Variants in RBMS3 observed in about 807,000 individuals in gnomAD.
RBMS3 encodes the protein RNA-binding motif, single-stranded-interacting protein 3.
RBMS3 carries 27 observed loss-of-function variants against 66.8 expected under a neutral mutation model. That is an observed-to-expected ratio of 0.40 (90% confidence interval 0.30 to 0.56). The LOEUF (loss-of-function observed/expected upper bound fraction) is 0.56, where lower values mean the gene tolerates loss of function less well. RBMS3 is among the 20% of genes least tolerant of loss of function. The pLI, the probability that RBMS3 is intolerant of heterozygous loss-of-function variation, is 0.40. For synonymous variants in RBMS3, 188 were observed against 183.0 expected (o/e 1.03, Z -0.22); for missense variants, 513 against 549.5 (o/e 0.93, Z 0.66).
At chr3:29,814,950 T>C (rs1442231456) in intron 6 of RBMS3, among the ~76,000 whole-genome samples, 1 of 152,078 alleles carries the variant, frequency 6.6e-6, no homozygotes, top group African/African-American at 2.4e-5. Flanking sequence ...ACAGAATGAG[T>C]GTTTCCTTGA....
intron 11 of RBMS3, 152 bp downstream of exon 11, chr3:29,936,348 C>A: frequency 1.3e-6 from 1 of 744,250 alleles, no homozygotes; most frequent in Non-Finnish European, 2.3e-6. Flanking sequence ...CTGCATTCTG[C>A]ATGTATGTTC....
At chr3:29,439,744 G>T (rs1232241408) in intron 2 of RBMS3, among the ~76,000 whole-genome samples, 2 of 151,962 alleles carry the variant, frequency 1.3e-5, no homozygotes, top group Non-Finnish European at 1.5e-5. Flanking sequence ...ATCTCCTAAT[G>T]CTATCCCTCC....
chr3:29,730,919 G>A (rs756667155), intron 4 of RBMS3: 64 of 985,218 alleles, frequency 6.5e-5, no homozygotes, highest in Non-Finnish European at 7.5e-5. Context: ...CTGATAACTG[G>A]TGATACTGAG....
At chr3:29,965,852 T>C (rs777226573) in intron 12 of RBMS3, among the ~76,000 whole-genome samples, 5 of 152,220 alleles carry the variant, frequency 3.3e-5, no homozygotes, top group Admixed American at 1.3e-4. Flanking sequence ...AGAATTTTTA[T>C]AATTTCAGGT....
At chr3:29,559,298 ACCATTAACTCAAGTG>A (rs2046460816) in intron 3 of RBMS3, among the ~76,000 whole-genome samples, 1 of 151,974 alleles carries the variant, frequency 6.6e-6, no homozygotes, top group African/African-American at 2.4e-5. Flanking sequence ...AGTCCCCTAT[ACCATTAACTCAAGTG>A]CCAGCTATGA....
chr3:29,572,518 A>G (rs1471564479), intron 3 of RBMS3, among the ~76,000 whole-genome samples: 1 of 152,214 alleles, frequency 6.6e-6, no homozygotes, highest in Non-Finnish European at 1.5e-5. Flanking sequence ...GCATCAATCA[A>G]AATGATCATA....
In RBMS3 at chr3:29,991,060, A is replaced by C. The variant is rs533456082; in HGVS notation, c.1180-22A>C. ...CTTCACTGAAGCAAGTAAGGCTTTT[A>C]TGTTCTTATTTGCCTCCTTAGGGTG... On this transcript the variant is annotated intron_variant, in intron 13 of 14. Transcript: ENST00000383767. 2.0e-5 allele frequency: 32 copies of C among 1,611,792 alleles called. No individual in the cohort carries two copies. In the Admixed American group the frequency reaches 5.2e-4, roughly 26 times the overall value.
chr3:29,981,285 C>T (rs1348337723), intron 12 of RBMS3, among the ~76,000 whole-genome samples: 1 of 152,126 alleles, frequency 6.6e-6, no homozygotes. Flanking sequence ...ATTTTGTATC[C>T]TGAGACTGTG....
chr3:29,406,009 C>T (rs1219300875), intron 1 of RBMS3, among the ~76,000 whole-genome samples: 1 of 152,168 alleles, frequency 6.6e-6, no homozygotes, highest in Non-Finnish European at 1.5e-5. Context: ...TTTTAAAGAA[C>T]TAACATAATT....
At chr3:29,886,090 C>A (rs969516356) in intron 8 of RBMS3, among the ~76,000 whole-genome samples, 1 of 151,778 alleles carries the variant, frequency 6.6e-6, no homozygotes, top group Non-Finnish European at 1.5e-5. Context: ...TTTCTAACTT[C>A]TTACATCTTC....
chr3:29,913,871 A>G (rs948974797), intron 10 of RBMS3, among the ~76,000 whole-genome samples: 5 of 151,966 alleles, frequency 3.3e-5, no homozygotes, highest in African/African-American at 1.2e-4. Flanking sequence ...TTTGTGTTAC[A>G]TGATACATGT....
chr3:29,431,405 G>T (rs2041192460), intron 1 of RBMS3, among the ~76,000 whole-genome samples: 1 of 146,672 alleles, frequency 6.8e-6, no homozygotes, highest in Non-Finnish European at 1.5e-5. Context: ...TGATTCTTCT[G>T]CCTCAGCCTC....
intron 6 of RBMS3, among the ~76,000 whole-genome samples, chr3:29,812,111 G>A (rs2057746834): frequency 6.6e-6 from 1 of 152,144 alleles, no homozygotes; most frequent in South Asian, 2.1e-4. Context: ...ATATTGACAG[G>A]ACAGTTAGGA....
chr3:29,633,889 C>A (rs982177872), intron 4 of RBMS3, among the ~76,000 whole-genome samples: 10 of 151,776 alleles, frequency 6.6e-5, no homozygotes, highest in African/African-American at 2.2e-4. Context: ...ATAAAGACTT[C>A]ATTTAAATAA....
intron 4 of RBMS3, among the ~76,000 whole-genome samples, chr3:29,645,440 G>A (rs1392256773): frequency 1.3e-5 from 2 of 152,158 alleles, no homozygotes; most frequent in East Asian, 3.8e-4. Context: ...TTTGTATAAG[G>A]AACAATAATA....
At chr3:29,421,480 A>T (rs1330686161) in intron 1 of RBMS3, among the ~76,000 whole-genome samples, 1 of 151,836 alleles carries the variant, frequency 6.6e-6, no homozygotes, top group Non-Finnish European at 1.5e-5. Flanking sequence ...TGTATATAAA[A>T]CTCCTTTTAA....
At chr3:29,701,811 G>A (rs950675415) in intron 4 of RBMS3, among the ~76,000 whole-genome samples, 1 of 151,500 alleles carries the variant, frequency 6.6e-6, no homozygotes, top group African/African-American at 2.4e-5. Context: ...CTCCCAGCGG[G>A]GCAGGGCTTG....
chr3:29,615,192 A>G (rs1051525898), intron 4 of RBMS3: 141 of 152,554 alleles, frequency 9.2e-4, no homozygotes, highest in African/African-American at 3.3e-3. Context: ...AGTTGGAAGC[A>G]ATTACCACCA....
intron 2 of RBMS3, among the ~76,000 whole-genome samples, chr3:29,468,975 G>A (rs2042631542): frequency 6.6e-6 from 1 of 152,108 alleles, no homozygotes; most frequent in Non-Finnish European, 1.5e-5. Flanking sequence ...CAAAAGCATG[G>A]TGAATTATAG....
Sources: allele counts gnomAD v4.1 joint callset (sites outside exome capture counted in the v4.1 genomes callset), GRCh38; gene constraint gnomAD v4.1.1; transcripts MANE v1.5; gene names NCBI Gene and HGNC (gene_info 2026-07-23, HGNC 2026-07-21).